The following PTPRU variants were observed in gnomAD, a reference collection of about 807,000 sequenced individuals.
PTPRU encodes the protein protein tyrosine phosphatase receptor type U, also known as receptor-type tyrosine-protein phosphatase U.
In PTPRU, 69 loss-of-function variants were observed where a neutral mutation model predicts 166.3. The ratio of observed to expected loss-of-function variants is 0.41; its 90% CI spans 0.34 to 0.51. The LOEUF (loss-of-function observed/expected upper bound fraction) is 0.51. PTPRU is among the 20% of genes least tolerant of loss of function. The probability of loss-of-function intolerance (pLI) is 0.09; values close to 1 mark genes in which losing one functional copy is unlikely to be tolerated. For synonymous variants in PTPRU, 793 were observed against 814.0 expected (o/e 0.97, Z 0.44); for missense variants, 1,657 against 2,013.7 (o/e 0.82, Z 3.39).
chr1:29,313,234 C>T (rs890589878), intron 22 of PTPRU, among the ~76,000 whole-genome samples: 4 of 152,136 alleles, frequency 2.6e-5, no homozygotes, highest in Admixed American at 1.3e-4. Context: ...GGACCCAGTA[C>T]GCTGTCCTGG....
At chr1:29,245,973 A>G (rs565369738) in intron 1 of PTPRU, among the ~76,000 whole-genome samples, 6 of 152,372 alleles carry the variant, frequency 3.9e-5, no homozygotes, top group African/African-American at 1.4e-4. Context: ...CACCGTGCCA[A>G]CAGATGGCAT....
At position 29,308,366 on chromosome 1, in the gene PTPRU, C is replaced by T. The variant is rs569744912; in HGVS notation, c.2821-2378C>T. On this transcript the variant is annotated intron_variant, in intron 18 of 29. Coordinates refer to ENST00000373779, the MANE Select transcript of PTPRU (RefSeq NM_133178.4). The stretch of plus-strand genomic sequence containing the variant: ...GGCAGATTGCTTGAGTCCAGGAGTT[C>T]GAGATCAGCGTGGGCAACATAGTGA... Among the ~76,000 whole-genome samples, 283 of 147,106 alleles carry T rather than the reference C, an allele frequency of 1.9e-3. 1 individual carries two copies. Among genetic ancestry groups the T allele is most frequent in the South Asian group, 3.7e-3 (17 of 4,642 alleles).
intron 14 of PTPRU, chr1:29,289,791 C>G: frequency 2.6e-6 from 4 of 1,520,762 alleles, no homozygotes; most frequent in Non-Finnish European, 3.6e-6. Flanking sequence ...TCTGGTTGGG[C>G]TTAGTCTCGC....
rs1047165839 is a variant in PTPRU, at chr1:29,257,633, T to G, written c.206-872T>G. Among the ~76,000 whole-genome samples the G allele has an allele frequency of 6.6e-6, 1 of 152,228 alleles. No individual in the cohort carries two copies. The highest frequency in any genetic ancestry group is 1.5e-5 in the Non-Finnish European group (1 of 68,044). On this transcript the variant is annotated intron_variant, in intron 2 of 29. Transcript: ENST00000373779. This position sits in a 1 kb window ranked among gnomAD's most constrained non-coding sequence, Gnocchi z 4.6. Reference sequence around the variant, plus strand: ...CAAGGGGATTTGTATTCCAGGAATTTAGACTCAGGGATGGGGGCTGGAAGG... The same window carrying G: ...CAAGGGGATTTGTATTCCAGGAATTGAGACTCAGGGATGGGGGCTGGAAGG...
chr1:29,262,016 C>G (rs1356124582), intron 7 of PTPRU, among the ~76,000 whole-genome samples: 1 of 152,176 alleles, frequency 6.6e-6, no homozygotes, highest in East Asian at 1.9e-4. Context: ...CTTATTCAGA[C>G]TTTTCTGGTT....
chr1:29,322,815 T>G (rs1162207958), intron 26 of PTPRU, among the ~76,000 whole-genome samples: 2 of 152,204 alleles, frequency 1.3e-5, no homozygotes, highest in South Asian at 4.2e-4. Context: ...TGTTAGGTCA[T>G]AGGGCTGTAC....
intron 8 of PTPRU, 147 bp from the exon 9 acceptor site, chr1:29,278,865 T>G (rs1685932520): frequency 1.6e-6 from 1 of 620,208 alleles, no homozygotes. Context: ...GTTATATCAT[T>G]CCCACTTCAC....
At chr1:29,292,404 C>T (rs1686682893) in intron 15 of PTPRU, among the ~76,000 whole-genome samples, 3 of 152,276 alleles carry the variant, frequency 2.0e-5, no homozygotes, top group African/African-American at 4.8e-5. Flanking sequence ...CTTACCTCTC[C>T]CTTTCTTAGC....
At chr1:29,312,198 G>GT (rs1214956608) in intron 21 of PTPRU, among the ~76,000 whole-genome samples, 2 of 152,054 alleles carry the variant, frequency 1.3e-5, no homozygotes, top group Non-Finnish European at 2.9e-5. Context: ...AGGAAAGATA[G>GT]TTTTTTTTCC....
rs750284972 is a variant in PTPRU at position 29,320,703 on chromosome 1, G to T, written c.3706G>T (p.Ala1236Ser). The change falls in exon 26 of 30, where the codon GCC (alanine) becomes TCC (serine). Residue 1236 changes from alanine (A) to serine (S), a missense_variant. Ala to Ser is a moderately conservative substitution (Grantham distance 99, BLOSUM62 1). Coordinates refer to ENST00000373779, the MANE Select transcript of PTPRU (RefSeq NM_133178.4). The surrounding 1 kb of genome is among the most constrained non-coding windows in gnomAD (Gnocchi z 5.2). ...CCTGCAGAGCTACACACGGAGTGCG[G>T]CCTTCATCGTGACCCTGCACCCGCT... Reference protein sequence around the residue: ...ALTDSYTRSAAFIVTLHPLQS... With the variant: ...ALTDSYTRSASFIVTLHPLQS... The T allele has an allele frequency of 6.3e-7, 1 of 1,599,444 alleles. No individual in the cohort carries two copies.
chr1:29,294,073 A>G (rs989526690), intron 15 of PTPRU, among the ~76,000 whole-genome samples: 5 of 152,316 alleles, frequency 3.3e-5, no homozygotes, highest in South Asian at 2.1e-4. Context: ...GGATGTCTAG[A>G]TGCACCTGCA....
At position 29,320,501 on chromosome 1, in the gene PTPRU, C is replaced by A; in HGVS notation, c.3688-184C>A. 3.4e-6 allele frequency: 2 copies of A among 582,958 alleles called. No homozygotes were observed. Among genetic ancestry groups the A allele is most frequent in the Non-Finnish European group, 5.3e-6 (2 of 374,016 alleles). The allele number at this position is 582,958 out of a possible 1,614,324, so 36.1% of individuals were successfully genotyped here. On this transcript the variant is annotated intron_variant, in intron 25 of 29. Transcript: ENST00000373779. The surrounding 1 kb of genome is among the most constrained non-coding windows in gnomAD (Gnocchi z 5.2). Reference sequence around the variant, plus strand: ...CTTGGTCCCCAGAGGCCTGGGCCCACCCTGTCAACCCAGGCCTCAGTGTGC... The same window carrying A: ...CTTGGTCCCCAGAGGCCTGGGCCCAACCTGTCAACCCAGGCCTCAGTGTGC...
chr1:29,279,649 A>G lies in PTPRU; in HGVS notation c.1757A>G (p.Asn586Ser). 6.2e-7 allele frequency: 1 copy of G among 1,611,296 alleles called. No individual in the cohort carries two copies. Among genetic ancestry groups the G allele is most frequent in the Non-Finnish European group, 8.5e-7 (1 of 1,179,946 alleles). ...GQAALTEITT[N>S]ISAPSFDYAD... ...GCGGCACTCACTGAGATAACCACTAACATCTCTGGTGAGCCCCACCTGACC... is the reference window on the plus strand; with the variant it reads ...GCGGCACTCACTGAGATAACCACTAGCATCTCTGGTGAGCCCCACCTGACC... Residue 586 changes from asparagine to serine, a missense_variant, in exon 10 of 30, where the codon AAC (asparagine) becomes AGC (serine). Physicochemically the swap from Asn to Ser is conservative, Grantham distance 46. Transcript: ENST00000373779. The surrounding 1 kb of genome is among the most constrained non-coding windows in gnomAD (Gnocchi z 5.2).
rs192353186 is a variant in PTPRU at position 29,248,606 on chromosome 1, T to G, written c.74-6669T>G. Among the ~76,000 whole-genome samples the G allele has an allele frequency of 2.6e-5, 4 of 152,260 alleles. No homozygotes were observed. In the East Asian group the frequency reaches 7.7e-4, roughly 29 times the overall value. ...GAAAAGTCTCATTGCAAACAGGCTCTGTTTGCCAGGTGTCTTCAGAAAATA... is the reference window on the plus strand; with the variant it reads ...GAAAAGTCTCATTGCAAACAGGCTCGGTTTGCCAGGTGTCTTCAGAAAATA... On this transcript the variant is annotated intron_variant, in intron 1 of 29. Transcript: ENST00000373779.
rs1683892702 is a variant in PTPRU at position 29,238,520 on chromosome 1, G to A, written c.73+1803G>A. ...TCCCCGGCATCGCGTTCGCGGCCCT[G>A]CTGCTGGCTCCGGTGTCTCGGGCCG... On this transcript the variant is annotated intron_variant, in intron 1 of 29. Coordinates refer to ENST00000373779, the MANE Select transcript of PTPRU (RefSeq NM_133178.4). This position sits in a 1 kb window ranked among gnomAD's most constrained non-coding sequence, Gnocchi z 6.1. Among the ~76,000 whole-genome samples, 2 of 152,212 alleles carry A rather than the reference G, an allele frequency of 1.3e-5. No homozygotes were observed. The highest frequency in any genetic ancestry group is 1.3e-4 in the Admixed American group (2 of 15,286).
At chr1:29,247,199 A>G (rs765129774) in intron 1 of PTPRU, among the ~76,000 whole-genome samples, 7 of 152,230 alleles carry the variant, frequency 4.6e-5, no homozygotes, top group African/African-American at 1.2e-4. Flanking sequence ...GCATTCCTCC[A>G]TACACCTATC....
chr1:29,320,682 C>T lies in PTPRU; in HGVS notation c.3688-3C>T. 1.3e-6 allele frequency: 2 copies of T among 1,572,854 alleles called. No individual in the cohort carries two copies. The highest frequency in any genetic ancestry group is 8.7e-7 in the Non-Finnish European group (1 of 1,152,010). On this transcript the variant is annotated splice_region_variant and splice_polypyrimidine_tract_variant and intron_variant, in intron 25 of 29. Coordinates refer to ENST00000373779, the MANE Select transcript of PTPRU (RefSeq NM_133178.4). This position sits in a 1 kb window ranked among gnomAD's most constrained non-coding sequence, Gnocchi z 5.2. Reference sequence around the variant, plus strand: ...GCCCTGCTGAGTTCCGGTTTCCCTGCAGAGCTACACACGGAGTGCGGCCTT... The same window carrying T: ...GCCCTGCTGAGTTCCGGTTTCCCTGTAGAGCTACACACGGAGTGCGGCCTT...
Position 29,259,335 on chromosome 1 carries a change from C to T in PTPRU, c.552C>T (p.Tyr184=), listed in dbSNP as rs1170501003. ...TAGATGACATCCTGCTTCTCAGCTA[C>T]CCCTGCGGTGAGTCCCAGCCCACTG... ...MGLDDILLLS[Y]PCAKAPHFSR... The change falls in exon 4 of 30, where the codon TAC becomes TAT. Residue 184 remains tyrosine, a synonymous_variant. Coordinates refer to ENST00000373779, the MANE Select transcript of PTPRU (RefSeq NM_133178.4). 6.2e-7 allele frequency: 1 copy of T among 1,613,988 alleles called. No individual in the cohort carries two copies.
chr1:29,290,224 A>G (rs2151957259), intron 14 of PTPRU, among the ~76,000 whole-genome samples: 1 of 152,286 alleles, frequency 6.6e-6, no homozygotes, highest in South Asian at 2.1e-4. Context: ...CCAGCCAGGC[A>G]GCCCCAGCTC....
Sources: allele counts gnomAD v4.1 joint callset (sites outside exome capture counted in the v4.1 genomes callset), GRCh38; gene constraint gnomAD v4.1.1; non-coding constraint Gnocchi (gnomAD v3.1); transcripts MANE v1.5; gene names NCBI Gene and HGNC (gene_info 2026-07-23, HGNC 2026-07-21).